ZBTB7C: variants seen among roughly 807,000 people sequenced by gnomAD.
ZBTB7C encodes zinc finger and BTB domain-containing protein 7C.
ZBTB7C carries 8 observed loss-of-function variants against 25.7 expected under a neutral mutation model. The ratio of observed to expected loss-of-function variants is 0.31; its 90% CI spans 0.18 to 0.56. The LOEUF is 0.56. Among genes scored for constraint, ZBTB7C ranks in the 20% least tolerant of loss-of-function variants. The probability of loss-of-function intolerance (pLI) is 0.91; values close to 1 mark genes in which losing one functional copy is unlikely to be tolerated. For synonymous variants in ZBTB7C, 394 were observed against 369.0 expected (o/e 1.07, Z -0.78); for missense variants, 824 against 855.2 (o/e 0.96, Z 0.46).
At chr18:48,278,197 A>G (rs976115834) in intron 2 of ZBTB7C, among the ~76,000 whole-genome samples, 10 of 152,186 alleles carry the variant, frequency 6.6e-5, no homozygotes, top group African/African-American at 2.4e-4. Context: ...GGTTCCTGCC[A>G]CATGCAAAGA....
At chr18:48,109,123 C>T (rs549197247) in intron 3 of ZBTB7C, among the ~76,000 whole-genome samples, 57 of 152,164 alleles carry the variant, frequency 3.7e-4, no homozygotes, top group African/African-American at 1.3e-3. Flanking sequence ...GTGGGGGTTG[C>T]GGTCCCTAGC....
At chr18:48,210,363 T>C (rs1323587113) in intron 2 of ZBTB7C, among the ~76,000 whole-genome samples, 2 of 152,174 alleles carry the variant, frequency 1.3e-5, no homozygotes, top group Non-Finnish European at 2.9e-5. Context: ...ATACATGAAC[T>C]TCACAGCAGA....
At chr18:48,327,210 C>T (rs528740362) in intron 2 of ZBTB7C, among the ~76,000 whole-genome samples, 47 of 152,248 alleles carry the variant, frequency 3.1e-4, no homozygotes, top group African/African-American at 9.6e-4. Flanking sequence ...TGAATCAGGC[C>T]AGTTCCACTC....
chr18:48,088,809 G>A (rs992638105), intron 3 of ZBTB7C, among the ~76,000 whole-genome samples: 2 of 152,054 alleles, frequency 1.3e-5, no homozygotes, highest in Admixed American at 6.5e-5. Flanking sequence ...CAGCCTGGGC[G>A]ACAGAGTGCA....
intron 4 of ZBTB7C, 34 bp from the exon 5 acceptor site, chr18:48,029,945 G>C: frequency 1.9e-6 from 3 of 1,606,692 alleles, no homozygotes; most frequent in Middle Eastern, 3.3e-4. Flanking sequence ...AGTCCCGCAG[G>C]GAACACCAGG....
chr18:48,391,884 A>C (rs16949170), intron 1 of ZBTB7C, among the ~76,000 whole-genome samples: 1 of 152,216 alleles, frequency 6.6e-6, no homozygotes, highest in Non-Finnish European at 1.5e-5. Context: ...TAGAAACTCA[A>C]GGAAAGCTCT....
At chr18:48,161,714 G>T (rs921820295) in intron 3 of ZBTB7C, among the ~76,000 whole-genome samples, 1 of 147,492 alleles carries the variant, frequency 6.8e-6, no homozygotes, top group Non-Finnish European at 1.5e-5. Flanking sequence ...CGGCCCGGGC[G>T]CCCCGCCCCA....
At chr18:48,227,090 A>G (rs1237089421) in intron 2 of ZBTB7C, among the ~76,000 whole-genome samples, 1 of 152,088 alleles carries the variant, frequency 6.6e-6, no homozygotes, top group Non-Finnish European at 1.5e-5. Context: ...TTAGCCCTAA[A>G]GCACAGTTGC....
In ZBTB7C at chr18:48,051,299, C is replaced by T. The variant is rs566780995; in HGVS notation, c.-16-10176G>A. ...TGGGTGAGGAAGAATGAGGGGAAGC[C>T]TCACACCTGGGCTTTGGGGATAGAA... On this transcript the variant is annotated intron_variant, in intron 3 of 4. Transcript: ENST00000590800. Among the ~76,000 whole-genome samples the T allele has an allele frequency of 7.2e-5, 11 of 152,318 alleles. No individual in the cohort carries two copies. In the South Asian group the frequency reaches 2.3e-3, roughly 32 times the overall value.
chr18:48,313,362 C>T (rs1371919099), intron 2 of ZBTB7C, among the ~76,000 whole-genome samples: 2 of 152,170 alleles, frequency 1.3e-5, no homozygotes, highest in Non-Finnish European at 2.9e-5. Flanking sequence ...GGCAGTGGTT[C>T]TCAAGCCTGC....
At position 48,040,174 on chromosome 18, in the gene ZBTB7C, C is replaced by T; in HGVS notation, c.934G>A (p.Asp312Asn). 6.3e-7 allele frequency: 1 copy of T among 1,577,168 alleles called. No individual in the cohort carries two copies. Among genetic ancestry groups the T allele is most frequent in the Non-Finnish European group, 8.6e-7 (1 of 1,162,594 alleles). Reference protein sequence around the residue: ...PPPFPNDFFKDMFPDLPGGPL... With the variant: ...PPPFPNDFFKNMFPDLPGGPL... ...CCCCCCGGCAGGTCAGGGAACATGT[C>T]CTTGAAGAAGTCATTAGGGAAGGGT... The change falls in exon 4 of 5, where the codon GAC becomes AAC. Residue 312 changes from aspartate to asparagine, a missense_variant. Around this residue, in one of 4 missense-constraint regions of ZBTB7C, gnomAD observed 316 missense variants for 299.2 expected, o/e 1.06. Coordinates refer to ENST00000590800, the MANE Select transcript of ZBTB7C (RefSeq NM_001318841.2).
At chr18:48,235,415 T>C (rs1031446430) in intron 2 of ZBTB7C, among the ~76,000 whole-genome samples, 4 of 152,234 alleles carry the variant, frequency 2.6e-5, no homozygotes, top group Admixed American at 6.5e-5. Flanking sequence ...AATCAAGGAC[T>C]GTAGAGCACT....
At chr18:48,395,265 A>ATGTGTGTGTG (rs59232482) in intron 1 of ZBTB7C, among the ~76,000 whole-genome samples, 3 of 103,568 alleles carry the variant, frequency 2.9e-5, no homozygotes, top group Admixed American at 1.1e-4. Context: ...GAGAGAGAGA[A>ATGTGTGTGTG]TGTGTGTGTG....
chr18:48,058,023 T>C (rs1403863645), intron 3 of ZBTB7C, among the ~76,000 whole-genome samples: 1 of 152,224 alleles, frequency 6.6e-6, no homozygotes, highest in Non-Finnish European at 1.5e-5. Flanking sequence ...ACTCCAGTTA[T>C]CTGTTAGTTC....
At chr18:48,124,703 G>A (rs2039742632) in intron 3 of ZBTB7C, among the ~76,000 whole-genome samples, 2 of 152,150 alleles carry the variant, frequency 1.3e-5, no homozygotes, top group South Asian at 2.1e-4. Context: ...TTTTTGGTTT[G>A]GTGTCTGTGA....
chr18:48,363,337 TTGG>T (rs2047154001), intron 1 of ZBTB7C, among the ~76,000 whole-genome samples: 1 of 151,770 alleles, frequency 6.6e-6, no homozygotes. Context: ...AGTCCCGGAG[TTGG>T]AATGTGGACA....
At chr18:48,229,207 G>A (rs1176420696) in intron 2 of ZBTB7C, among the ~76,000 whole-genome samples, 3 of 152,056 alleles carry the variant, frequency 2.0e-5, no homozygotes, top group African/African-American at 7.2e-5. Flanking sequence ...CAGCCTTCCT[G>A]CCCCATTCCA....
At chr18:48,342,807 G>C (rs1367722177) in intron 1 of ZBTB7C, among the ~76,000 whole-genome samples, 1 of 152,146 alleles carries the variant, frequency 6.6e-6, no homozygotes, top group African/African-American at 2.4e-5. Context: ...GTGGAATGGG[G>C]AGGGCCAGGA....
At chr18:48,245,494 C>CAA (rs5824738) in intron 2 of ZBTB7C, among the ~76,000 whole-genome samples, 70,421 of 132,618 alleles carry the variant, frequency 0.53, 19,093 homozygotes, top group East Asian at 0.63. Flanking sequence ...ATCAAGACAC[C>CAA]AAAAAAAAAA....
Sources: gnomAD v4.1 joint callset for allele counts (sites outside exome capture counted in the v4.1 genomes callset) on GRCh38, gnomAD v4.1.1 for gene constraint, gnomAD v4.1.1 regional missense constraint, MANE v1.5 for transcripts, NCBI Gene and HGNC (gene_info 2026-07-23, HGNC 2026-07-21) for gene names.